ADAMTS20: variants seen among roughly 807,000 people sequenced by gnomAD.
The protein encoded by ADAMTS20 is A disintegrin and metalloproteinase with thrombospondin motifs 20.
Under a neutral mutation model 260.1 loss-of-function variants are expected in ADAMTS20, and 225 were observed. That is an observed-to-expected ratio of 0.87 (90% CI 0.78 to 0.97). The LOEUF is 0.97. Ranked by LOEUF, ADAMTS20 falls within the 50% of genes least tolerant of loss-of-function variation. ADAMTS20 has a pLI of 0.00. For missense variants in ADAMTS20, 2,400 were observed against 2,337.7 expected, an observed-to-expected ratio of 1.03 and a Z score of -0.55; for synonymous variants, 802 against 769.5, an observed-to-expected ratio of 1.04 and a Z score of -0.70.
chr12:43,388,012 T>A (rs556184151), intron 29 of ADAMTS20, among the ~76,000 whole-genome samples: 28 of 152,190 alleles, frequency 1.8e-4, no homozygotes, highest in African/African-American at 6.3e-4. Context: ...CTGTCTGGCT[T>A]CAGCCCCCTT....
intron 9 of ADAMTS20, 74 bp downstream of exon 9, chr12:43,466,578 A>G (rs1470137694): frequency 2.2e-6 from 3 of 1,391,838 alleles, no homozygotes; most frequent in East Asian, 2.3e-5. Context: ...CAGAAATTGA[A>G]CCACCTTTAA....
intron 7 of ADAMTS20, among the ~76,000 whole-genome samples, chr12:43,471,257 C>T (rs963770402): frequency 7.9e-5 from 12 of 152,194 alleles, no homozygotes; most frequent in Admixed American, 3.9e-4. Context: ...CGCTCCCACC[C>T]GAATATTGCG....
intron 36 of ADAMTS20, among the ~76,000 whole-genome samples, 189 bp downstream of exon 36, chr12:43,375,190 A>T (rs917637846): frequency 1.3e-5 from 2 of 151,484 alleles, no homozygotes; most frequent in Admixed American, 1.3e-4. Flanking sequence ...AAAAAAAAAA[A>T]AAAAAAGCCC....
At chr12:43,548,559 A>G (rs986176306) in intron 2 of ADAMTS20, among the ~76,000 whole-genome samples, 13 of 152,334 alleles carry the variant, frequency 8.5e-5, no homozygotes, top group African/African-American at 3.1e-4. Flanking sequence ...TATTAATCCA[A>G]AGAAATTTAA....
At chr12:43,354,878 G>C (rs1263569790) in intron 38 of ADAMTS20, among the ~76,000 whole-genome samples, 1 of 152,142 alleles carries the variant, frequency 6.6e-6, no homozygotes, top group African/African-American at 2.4e-5. Context: ...AATTAGAAAA[G>C]AACTAAAATG....
chr12:43,386,075 C>A (rs1565675324), intron 29 of ADAMTS20, among the ~76,000 whole-genome samples: 1 of 151,878 alleles, frequency 6.6e-6, no homozygotes, highest in Admixed American at 6.6e-5. Flanking sequence ...TAGCGGTCTA[C>A]CTATTTTGTT....
At chr12:43,438,828 A>G (rs1941605285) in intron 18 of ADAMTS20, among the ~76,000 whole-genome samples, 2 of 152,174 alleles carry the variant, frequency 1.3e-5, no homozygotes, top group African/African-American at 4.8e-5. Flanking sequence ...CTTCAGCTTC[A>G]GTCTCCTCAA....
intron 10 of ADAMTS20, among the ~76,000 whole-genome samples, 173 bp downstream of exon 10, chr12:43,464,415 CATA>C: frequency 6.6e-6 from 1 of 152,240 alleles, no homozygotes; most frequent in East Asian, 1.9e-4. Flanking sequence ...GTACCTGACA[CATA>C]ATAAGTAGTC....
intron 3 of ADAMTS20, among the ~76,000 whole-genome samples, chr12:43,503,616 A>T (rs1313063803): frequency 2.0e-5 from 3 of 151,970 alleles, no homozygotes; most frequent in Non-Finnish European, 2.9e-5. Flanking sequence ...TTTGTTCTGC[A>T]GGTAAACTCG....
At chr12:43,385,030 A>C (rs886472762) in intron 29 of ADAMTS20, among the ~76,000 whole-genome samples, 4 of 152,334 alleles carry the variant, frequency 2.6e-5, no homozygotes, top group African/African-American at 9.6e-5. Context: ...AGGAATCGCC[A>C]TACTGTCTTC....
intron 3 of ADAMTS20, among the ~76,000 whole-genome samples, chr12:43,523,349 T>C (rs1179842380): frequency 6.6e-6 from 1 of 152,136 alleles, no homozygotes; most frequent in Non-Finnish European, 1.5e-5. Context: ...GGGGACCTCA[T>C]GGAAGTTCTG....
Position 43,513,054 on chromosome 12 carries a change from T to C in ADAMTS20, c.614-10649A>G, listed in dbSNP as rs141606199. On this transcript the variant is annotated intron_variant, in intron 3 of 38. Coordinates refer to ENST00000389420, the MANE Select transcript of ADAMTS20 (RefSeq NM_025003.5). ...GTAGAAGCATAGAACTGAGACAAGA[T>C]TTGGATATAAAGGCTTTTGGCTCTA... 3.0e-3 allele frequency among the ~76,000 whole-genome samples: 461 copies of C among 152,182 alleles called. 1 individual carries two copies. Among genetic ancestry groups the C allele is most frequent in the Non-Finnish European group, 5.8e-3 (393 of 67,982 alleles).
intron 11 of ADAMTS20, among the ~76,000 whole-genome samples, chr12:43,456,056 T>C (rs1337886808): frequency 6.6e-6 from 1 of 152,216 alleles, no homozygotes; most frequent in Non-Finnish European, 1.5e-5. Flanking sequence ...CTGGAGAATA[T>C]GATAATTCGA....
intron 29 of ADAMTS20, among the ~76,000 whole-genome samples, chr12:43,397,051 C>T (rs1940719207): frequency 6.6e-6 from 1 of 152,130 alleles, no homozygotes; most frequent in South Asian, 2.1e-4. Flanking sequence ...GGGAAAGCTA[C>T]TTTGCCATTA....
At chr12:43,447,776 A>G (rs2137342082) in intron 14 of ADAMTS20, among the ~76,000 whole-genome samples, 1 of 152,298 alleles carries the variant, frequency 6.6e-6, no homozygotes, top group East Asian at 1.9e-4. Context: ...TTAACCTGAC[A>G]AACAACTTCA....
intron 28 of ADAMTS20, among the ~76,000 whole-genome samples, chr12:43,403,056 TGTA>T (rs1940843250): frequency 6.6e-6 from 1 of 152,120 alleles, no homozygotes; most frequent in Non-Finnish European, 1.5e-5. Flanking sequence ...GGCCTGAAAA[TGTA>T]GTAGATCTTT....
chr12:43,523,198 G>C (rs1943095397), intron 3 of ADAMTS20, among the ~76,000 whole-genome samples: 1 of 152,200 alleles, frequency 6.6e-6, no homozygotes, highest in South Asian at 2.1e-4. Flanking sequence ...CCAGGTCACA[G>C]GGCAAGGCCT....
chr12:43,510,896 T>C (rs1476101737), intron 3 of ADAMTS20, among the ~76,000 whole-genome samples: 1 of 152,168 alleles, frequency 6.6e-6, no homozygotes, highest in Non-Finnish European at 1.5e-5. Flanking sequence ...TACTTGGATG[T>C]CCTACTGGCA....
In ADAMTS20 at chr12:43,428,923, G is replaced by A. The variant is rs1941389254; in HGVS notation, c.3490-124C>T. ...TCTTGAGAAATTTTAAATTATTATA[G>A]ATAATATTACCTGACATCACTTCTG... On this transcript the variant is annotated intron_variant, in intron 24 of 38. Transcript: ENST00000389420. 6.1e-6 allele frequency: 5 copies of A among 825,960 alleles called. No individual in the cohort carries two copies. In the South Asian group the frequency reaches 1.7e-4, roughly 29 times the overall value. The allele number at this position is 825,960 out of a possible 1,614,324, so 51.2% of individuals were successfully genotyped here. A position where few individuals can be genotyped will look rare whatever the true frequency, so the allele number is the denominator to read the frequency against.
Sources: allele counts gnomAD v4.1 joint callset (sites outside exome capture counted in the v4.1 genomes callset), GRCh38; gene constraint gnomAD v4.1.1; transcripts MANE v1.5; gene names NCBI Gene and HGNC (gene_info 2026-07-23, HGNC 2026-07-21).